The following BSN variants were observed in gnomAD, a reference collection of about 807,000 sequenced individuals.
BSN encodes protein bassoon.
In BSN, 57 loss-of-function variants were observed where a neutral mutation model predicts 264.8. The ratio of observed to expected loss-of-function variants is 0.22; its 90% CI spans 0.17 to 0.27. The LOEUF is 0.27. Ranked by LOEUF, BSN falls within the 10% of genes least tolerant of loss-of-function variation. The probability of loss-of-function intolerance (pLI) is 1.00; values close to 1 mark genes in which losing one functional copy is unlikely to be tolerated. For synonymous variants in BSN, 2,059 were observed against 2,137.3 expected, an observed-to-expected ratio of 0.96 and a Z score of 1.01; for missense variants, 4,615 against 5,232.5, an observed-to-expected ratio of 0.88 and a Z score of 3.64.
At chr3:49,632,839 A>T (rs915531197) in intron 2 of BSN, among the ~76,000 whole-genome samples, 14 of 151,748 alleles carry the variant, frequency 9.2e-5, no homozygotes, top group South Asian at 2.1e-4. Flanking sequence ...GGTGATACAC[A>T]CCTGTCTTCC....
At chr3:49,633,163 G>A (rs1198609959) in intron 2 of BSN, among the ~76,000 whole-genome samples, 1 of 151,906 alleles carries the variant, frequency 6.6e-6, no homozygotes, top group African/African-American at 2.4e-5. Flanking sequence ...TTAGCTGGGT[G>A]TGGTGGTGGG....
At chr3:49,665,029 A>T (rs1184656332) in intron 10 of BSN, among the ~76,000 whole-genome samples, 176 bp downstream of exon 10, 13 of 152,106 alleles carry the variant, frequency 8.5e-5, no homozygotes, top group Non-Finnish European at 1.5e-4. Context: ...AAGGAGGGAC[A>T]CTGTGCACAG....
chr3:49,613,019 G>C (rs2052220238), intron 1 of BSN, among the ~76,000 whole-genome samples: 1 of 152,136 alleles, frequency 6.6e-6, no homozygotes, highest in African/African-American at 2.4e-5. Context: ...TATAATCCCA[G>C]CTACTTGGGA....
chr3:49,565,972 A>G (rs1012721371), intron 1 of BSN, among the ~76,000 whole-genome samples: 9 of 152,196 alleles, frequency 5.9e-5, no homozygotes, highest in Non-Finnish European at 1.2e-4. Flanking sequence ...ACAGGTGCAC[A>G]CCACCATTCC....
Position 49,651,123 on chromosome 3 carries a change from A to G in BSN, c.1986+44A>G, listed in dbSNP as rs1190965788. On this transcript the variant is annotated intron_variant, in intron 4 of 11. Coordinates refer to ENST00000296452, the MANE Select transcript of BSN (RefSeq NM_003458.4). This position sits in a 1 kb window ranked among gnomAD's most constrained non-coding sequence, Gnocchi z 5.4. Reference sequence around the variant, plus strand: ...CCAGAGACCCTAGCTTTCAGACAGGACAGTCTATGGAAAGGCTTGCCTCCC... The same window carrying G: ...CCAGAGACCCTAGCTTTCAGACAGGGCAGTCTATGGAAAGGCTTGCCTCCC... The G allele has an allele frequency of 1.3e-6, 2 of 1,565,780 alleles. No homozygotes were observed. The highest frequency in any genetic ancestry group is 1.2e-5 in the South Asian group (1 of 86,336).
rs942621182 is a variant in BSN, at chr3:49,554,580, C to T, written c.-23C>T. The T allele has an allele frequency of 2.1e-6, 2 of 939,644 alleles. No individual in the cohort carries two copies. The highest frequency in any genetic ancestry group is 5.3e-4 in the Middle Eastern group (1 of 1,872). The allele number at this position is 939,644 out of a possible 1,614,324, so 58.2% of individuals were successfully genotyped here. ...CGGCCCGGGCGCAGCGCGACCCCGA[C>T]CCCGCCCGCCCGCCTGCCCGCCATG... On this transcript the variant is annotated 5_prime_UTR_variant, in exon 1 of 12. Coordinates refer to ENST00000296452, the MANE Select transcript of BSN (RefSeq NM_003458.4).
chr3:49,586,293 A>T (rs1367797371), intron 1 of BSN, among the ~76,000 whole-genome samples: 1 of 152,124 alleles, frequency 6.6e-6, no homozygotes, highest in African/African-American at 2.4e-5. Flanking sequence ...GTCTAGTTTC[A>T]TTCTTCAGCA....
Position 49,658,056 on chromosome 3 carries a change from C to T in BSN, c.8500C>T (p.Leu2834Phe), listed in dbSNP as rs575646657. 1.2e-6 allele frequency: 2 copies of T among 1,613,484 alleles called. No individual in the cohort carries two copies. The highest frequency in any genetic ancestry group is 1.1e-5 in the South Asian group (1 of 91,082). Reference protein sequence around the residue: ...PQKHFTADSALRQQTLPRPMK... With the variant: ...PQKHFTADSAFRQQTLPRPMK... Reference sequence around the variant, plus strand: ...GAAGCACTTCACGGCTGACAGCGCTCTCCGCCAGCAGACGCTGCCTCGCCC... The same window carrying T: ...GAAGCACTTCACGGCTGACAGCGCTTTCCGCCAGCAGACGCTGCCTCGCCC... The change falls in exon 5 of 12, where the codon CTC (leucine) becomes TTC (phenylalanine). Residue 2834 changes from leucine (L) to phenylalanine (F), a missense_variant. By Grantham distance (22) the Leu-to-Phe change is conservative. Transcript: ENST00000296452.
At position 49,554,677 on chromosome 3, in the gene BSN, G is replaced by GGGCCCCGGCCCCGGCCCC. The variant is rs1204153339; in HGVS notation, c.79_96dup (p.Pro27_Gly32dup). 3 of 1,018,574 alleles carry GGGCCCCGGCCCCGGCCCC rather than the reference G, an allele frequency of 2.9e-6. No individual in the cohort carries two copies. Among genetic ancestry groups the GGGCCCCGGCCCCGGCCCC allele is most frequent in the Non-Finnish European group, 3.5e-6 (3 of 851,378 alleles). The allele number at this position is 1,018,574 out of a possible 1,614,324, so 63.1% of individuals were successfully genotyped here. A position where few individuals can be genotyped will look rare whatever the true frequency, so the allele number is the denominator to read the frequency against. On this transcript the variant is annotated inframe_insertion, in exon 1 of 12. Coordinates refer to ENST00000296452, the MANE Select transcript of BSN (RefSeq NM_003458.4). ...CGCCCGGCGGCGCCGGCCCCGGCCC[G>GGGCCCCGGCCCCGGCCCC]GGCCCCGGCCCCGGCCCCGGCGCAG...
intron 11 of BSN, among the ~76,000 whole-genome samples, chr3:49,665,839 G>A (rs1440350407): frequency 6.6e-6 from 1 of 152,272 alleles, no homozygotes; most frequent in Non-Finnish European, 1.5e-5. Context: ...GGACATAGAG[G>A]AAAGGGAGTC....
Position 49,657,875 on chromosome 3 carries a change from C to G in BSN, c.8319C>G (p.His2773Gln). 1 of 1,613,612 alleles carries G rather than the reference C, an allele frequency of 6.2e-7. No individual in the cohort carries two copies. The highest frequency in any genetic ancestry group is 8.5e-7 in the Non-Finnish European group (1 of 1,179,924). ...PDPLEIGYQAHLPPESLSQLV... is the reference protein window; with the variant it reads ...PDPLEIGYQAQLPPESLSQLV... ...CCCTGGAGATTGGGTACCAGGCCCA[C>G]CTGCCTCCGGAGTCTCTCTCACAGC... The change falls in exon 5 of 12, where the codon CAC becomes CAG. Residue 2773 changes from histidine to glutamine, a missense_variant. His to Gln is a conservative substitution (Grantham distance 24). Transcript: ENST00000296452.
intron 1 of BSN, among the ~76,000 whole-genome samples, chr3:49,618,689 T>A (rs1333154865): frequency 1.3e-5 from 2 of 152,220 alleles, no homozygotes; most frequent in Non-Finnish European, 2.9e-5. Flanking sequence ...TCTTCGTGCA[T>A]GCTGTTGCCT....
intron 2 of BSN, among the ~76,000 whole-genome samples, chr3:49,635,016 C>T (rs750868138): frequency 4.9e-4 from 74 of 151,996 alleles, no homozygotes; most frequent in Non-Finnish European, 9.3e-4. Flanking sequence ...ATGATGACTG[C>T]GAAGAGCCAT....
At chr3:49,634,198 C>A (rs2052404385) in intron 2 of BSN, among the ~76,000 whole-genome samples, 1 of 149,902 alleles carries the variant, frequency 6.7e-6, no homozygotes, top group South Asian at 2.1e-4. Flanking sequence ...CAGAGCAAGA[C>A]TCTGCCTTTA....
At chr3:49,633,157 C>T (rs911207789) in intron 2 of BSN, among the ~76,000 whole-genome samples, 4 of 151,622 alleles carry the variant, frequency 2.6e-5, no homozygotes, top group African/African-American at 9.7e-5. Flanking sequence ...CAAAAGTTAG[C>T]TGGGTGTGGT....
rs908103128 is a variant in BSN, at chr3:49,664,408, T to C, written c.11609-15T>C. 1.2e-6 allele frequency: 2 copies of C among 1,613,772 alleles called. No homozygotes were observed. The highest frequency in any genetic ancestry group is 2.7e-5 in the African/African-American group (2 of 75,048). On this transcript the variant is annotated splice_polypyrimidine_tract_variant and intron_variant, in intron 8 of 11. Transcript: ENST00000296452. ...GGCCGTGCATAGCTCATTATGGCGATTTCTTTCCTCCTAGGTGTGAAGGCT... is the reference window on the plus strand; with the variant it reads ...GGCCGTGCATAGCTCATTATGGCGACTTCTTTCCTCCTAGGTGTGAAGGCT...
chr3:49,557,168 G>C (rs1271676748), intron 1 of BSN, among the ~76,000 whole-genome samples: 1 of 152,162 alleles, frequency 6.6e-6, no homozygotes, highest in East Asian at 1.9e-4. Context: ...TTGGGCATTG[G>C]AGAGTCCCTC....
Position 49,642,779 on chromosome 3 carries a change from G to C in BSN, c.1145G>C (p.Gly382Ala), listed in dbSNP as rs144943006. 7 of 1,613,334 alleles carry C rather than the reference G, an allele frequency of 4.3e-6. No homozygotes were observed. The African/African-American group carries it at 9.3e-5, about 22-fold the overall frequency. The change falls in exon 3 of 12, where the codon GGG becomes GCG. Residue 382 changes from glycine (G) to alanine (A), a missense_variant. Transcript: ENST00000296452. The surrounding 1 kb of genome is among the most constrained non-coding windows in gnomAD (Gnocchi z 7.0). ...CAGGGCCAGCCTGCCCCCAGCAAGG[G>C]GACACCTAAGATCGTCTTCAATGAT... The part of the protein sequence containing the change: ...DTQGQPAPSK[G>A]TPKIVFNDAS...
chr3:49,661,292 G>A lies in BSN; in HGVS notation c.9447G>A (p.Ser3149=), dbSNP rs114436630. The change falls in exon 6 of 12, where the codon TCG becomes TCA. Residue 3149 remains serine, a synonymous_variant. Transcript: ENST00000296452. ...RAPLQKPRQT[S]LADLEQKVPT... The stretch of plus-strand genomic sequence containing the variant: ...CACTGCAGAAGCCACGCCAGACATC[G>A]CTAGCCGACTTGGAGCAGAAGGTGC... 13 of 1,613,834 alleles carry A rather than the reference G, an allele frequency of 8.1e-6. No individual in the cohort carries two copies. The East Asian group carries it at 8.9e-5, about 11-fold the overall frequency.
Sources: gnomAD v4.1 joint callset for allele counts (sites outside exome capture counted in the v4.1 genomes callset) on GRCh38, gnomAD v4.1.1 for gene constraint, Gnocchi (gnomAD v3.1) non-coding constraint, MANE v1.5 for transcripts, NCBI Gene and HGNC (gene_info 2026-07-23, HGNC 2026-07-21) for gene names.